GRB10: variants seen among roughly 807,000 people sequenced by gnomAD.
The protein encoded by GRB10 is growth factor receptor bound protein 10, also known as growth factor receptor-bound protein 10.
GRB10 carries 20 observed loss-of-function variants against 80.9 expected under a neutral mutation model. The ratio of observed to expected loss-of-function variants is 0.25; its 90% CI spans 0.17 to 0.36. The LOEUF is 0.36. Ranked by LOEUF, GRB10 falls within the 10% of genes least tolerant of loss-of-function variation. The pLI is 1.00. For missense variants in GRB10, 548 were observed against 747.7 expected (o/e 0.73, Z 3.12); for synonymous variants, 291 against 291.5 (o/e 1.00, Z 0.02).
intron 17 of GRB10, among the ~76,000 whole-genome samples, chr7:50,598,464 C>G (rs886085412): frequency 2.2e-4 from 34 of 152,126 alleles, no homozygotes; most frequent in Non-Finnish European, 1.0e-4. Context: ...CTCACCAGTC[C>G]ATCATAAATG....
intron 7 of GRB10, among the ~76,000 whole-genome samples, chr7:50,668,044 T>A (rs1340212246): frequency 6.6e-6 from 1 of 152,344 alleles, no homozygotes; most frequent in African/African-American, 2.4e-5. Flanking sequence ...GAGGTAGACA[T>A]CCCAGATGCA....
rs539149190 is a variant in GRB10 at position 50,682,167 on chromosome 7, G to A, written c.140-7509C>T. On this transcript the variant is annotated intron_variant, in intron 5 of 18. Transcript: ENST00000401949. ...AAGGGAATCCAGAGACTCTTGAGAA[G>A]GGATCGTAGCTCACCTCAGAACGCC... Among the ~76,000 whole-genome samples the A allele has an allele frequency of 1.4e-4, 22 of 152,348 alleles. 1 individual carries two copies. Among genetic ancestry groups the A allele is most frequent in the Admixed American group, 1.1e-3 (17 of 15,310 alleles).
chr7:50,656,543 C>A (rs949238852), intron 7 of GRB10, among the ~76,000 whole-genome samples: 1 of 152,208 alleles, frequency 6.6e-6, no homozygotes, highest in Non-Finnish European at 1.5e-5. Flanking sequence ...TTACTATACA[C>A]CCAGAAATAG....
intron 8 of GRB10, among the ~76,000 whole-genome samples, chr7:50,621,436 A>G (rs2051721255): frequency 6.6e-6 from 1 of 152,198 alleles, no homozygotes; most frequent in East Asian, 1.9e-4. Flanking sequence ...AAGACAAACA[A>G]AACATCAACT....
intron 4 of GRB10, among the ~76,000 whole-genome samples, chr7:50,710,562 C>G (rs1490306892): frequency 6.6e-6 from 1 of 152,176 alleles, no homozygotes; most frequent in Non-Finnish European, 1.5e-5. Context: ...TTATCTAAAA[C>G]TGCAACACAC....
intron 5 of GRB10, among the ~76,000 whole-genome samples, chr7:50,689,679 T>G (rs2062554560): frequency 6.6e-6 from 1 of 152,162 alleles, no homozygotes; most frequent in African/African-American, 2.4e-5. Context: ...ACTAACATTT[T>G]TGAGGACCTC....
At chr7:50,714,476 A>T (rs1056179818) in intron 4 of GRB10, among the ~76,000 whole-genome samples, 1 of 152,208 alleles carries the variant, frequency 6.6e-6, no homozygotes, top group African/African-American at 2.4e-5. Context: ...ATTCTGGCTA[A>T]CACGGTGAAA....
At chr7:50,753,811 G>A (rs1269839001) in intron 3 of GRB10, among the ~76,000 whole-genome samples, 1 of 152,262 alleles carries the variant, frequency 6.6e-6, no homozygotes, top group Non-Finnish European at 1.5e-5. Context: ...GGAATGCAGA[G>A]GCTGGGAAGG....
At chr7:50,771,025 A>T (rs2076934817) in intron 2 of GRB10, among the ~76,000 whole-genome samples, 1 of 148,560 alleles carries the variant, frequency 6.7e-6, no homozygotes, top group African/African-American at 2.6e-5. Flanking sequence ...CAGGACTTCA[A>T]TGTGCCCTGT....
intron 4 of GRB10, among the ~76,000 whole-genome samples, chr7:50,705,612 G>A (rs957352937): frequency 4.6e-5 from 7 of 151,956 alleles, no homozygotes; most frequent in African/African-American, 1.7e-4. Flanking sequence ...AGTCACATGG[G>A]GATTACAAAT....
chr7:50,690,294 CTCAA>C (rs1287610380), intron 5 of GRB10, among the ~76,000 whole-genome samples: 4 of 112,016 alleles, frequency 3.6e-5, no homozygotes, highest in African/African-American at 1.6e-4. Flanking sequence ...GAAACTCTGT[CTCAA>C]ACAAACAAAC....
chr7:50,793,368 G>T (rs1004770918), exon 1 of GRB10: 59 of 147,754 alleles, frequency 4.0e-4, no homozygotes, highest in Admixed American at 6.7e-4. Context: ...CGCCACCCAG[G>T]GGCTGCGCGG....
At chr7:50,669,021 A>G (rs1279928042) in intron 7 of GRB10, among the ~76,000 whole-genome samples, 1 of 152,208 alleles carries the variant, frequency 6.6e-6, no homozygotes, top group Non-Finnish European at 1.5e-5. Context: ...TCAGGACTAC[A>G]AGACAGAAAC....
chr7:50,702,569 G>A (rs1000618771), intron 5 of GRB10, among the ~76,000 whole-genome samples: 2 of 152,192 alleles, frequency 1.3e-5, no homozygotes, highest in Non-Finnish European at 2.9e-5. Context: ...TCTGGTCACG[G>A]AGCAGAGGTA....
intron 3 of GRB10, among the ~76,000 whole-genome samples, chr7:50,736,936 CT>C (rs1411153398): frequency 2.6e-5 from 4 of 152,072 alleles, no homozygotes; most frequent in Non-Finnish European, 4.4e-5. Context: ...CTATAAAACT[CT>C]TAGAAGTAAA....
intron 3 of GRB10, among the ~76,000 whole-genome samples, chr7:50,742,475 C>T (rs548875961): frequency 6.6e-6 from 1 of 152,256 alleles, no homozygotes; most frequent in East Asian, 1.9e-4. Flanking sequence ...AATGATGGTC[C>T]CCGGACATAC....
upstream of GRB10, among the ~76,000 whole-genome samples, chr7:50,785,096 C>A (rs566000065): frequency 6.6e-6 from 1 of 152,262 alleles, no homozygotes; most frequent in African/African-American, 2.4e-5. Context: ...CCACCACCAT[C>A]CCCAGCAGCT....
At chr7:50,637,034 T>C (rs1277746795) in intron 7 of GRB10, among the ~76,000 whole-genome samples, 5 of 152,234 alleles carry the variant, frequency 3.3e-5, no homozygotes, top group Non-Finnish European at 7.3e-5. Context: ...TGGAATGCAG[T>C]GGCGTGATCT....
intron 16 of GRB10, 108 bp downstream of exon 16, chr7:50,604,203 G>C (rs1330354081): frequency 3.4e-5 from 43 of 1,283,260 alleles, no homozygotes; most frequent in Non-Finnish European, 4.4e-5. Flanking sequence ...TACAGCTTGT[G>C]TGGTGCACTC....
Sources: allele counts gnomAD v4.1 joint callset (sites outside exome capture counted in the v4.1 genomes callset), GRCh38; gene constraint gnomAD v4.1.1; transcripts MANE v1.5; gene names NCBI Gene and HGNC (gene_info 2026-07-23, HGNC 2026-07-21).